PLEKHG1: variants seen among roughly 807,000 people sequenced by gnomAD.
PLEKHG1 encodes pleckstrin homology domain-containing family G member 1.
A neutral mutation model predicts 100.8 loss-of-function variants in PLEKHG1; 44 were observed. That is an observed-to-expected ratio of 0.44 (90% CI 0.34 to 0.56). The LOEUF is 0.56. Among genes scored for constraint, PLEKHG1 ranks in the 20% least tolerant of loss-of-function variants. The probability of loss-of-function intolerance (pLI) is 0.01; values close to 1 mark genes in which losing one functional copy is unlikely to be tolerated. For synonymous variants in PLEKHG1, 640 were observed against 662.5 expected, an observed-to-expected ratio of 0.97 and a Z score of 0.52; for missense variants, 1,545 against 1,720.9, an observed-to-expected ratio of 0.90 and a Z score of 1.81.
chr6:150,637,656 G>A (rs904449296), intron 1 of PLEKHG1, among the ~76,000 whole-genome samples: 8 of 152,016 alleles, frequency 5.3e-5, no homozygotes, highest in Admixed American at 3.9e-4. Context: ...TTAGACTTAC[G>A]ACATAGTTGA....
upstream of PLEKHG1, among the ~76,000 whole-genome samples, chr6:150,718,189 A>G (rs1457586848): frequency 6.6e-6 from 1 of 152,244 alleles, no homozygotes; most frequent in Admixed American, 6.5e-5. Flanking sequence ...CAAGGATACC[A>G]GCATCTGTGC....
At chr6:150,773,647 T>C (rs1314312066) in intron 3 of PLEKHG1, among the ~76,000 whole-genome samples, 1 of 152,256 alleles carries the variant, frequency 6.6e-6, no homozygotes, top group Non-Finnish European at 1.5e-5. Context: ...CAAGCCCACA[T>C]ACATTGCTCT....
intron 10 of PLEKHG1, among the ~76,000 whole-genome samples, chr6:150,815,810 G>A (rs1476700953): frequency 6.6e-6 from 1 of 152,110 alleles, no homozygotes; most frequent in African/African-American, 2.4e-5. Context: ...TGTTTTGTAG[G>A]TTAAATTATA....
chr6:150,757,559 GTA>G (rs113051911), intron 2 of PLEKHG1, among the ~76,000 whole-genome samples: 8 of 139,638 alleles, frequency 5.7e-5, no homozygotes, highest in African/African-American at 1.2e-4. Flanking sequence ...GTGCACACAA[GTA>G]TGTGTGTGTG....
chr6:150,629,799 C>T (rs1263538376), intron 1 of PLEKHG1, among the ~76,000 whole-genome samples: 1 of 152,096 alleles, frequency 6.6e-6, no homozygotes, highest in South Asian at 2.1e-4. Context: ...CATAGATTTT[C>T]TATGATGTAT....
intron 14 of PLEKHG1, 82 bp downstream of exon 15, chr6:150,823,758 C>G (rs899916791): frequency 1.1e-6 from 1 of 920,152 alleles, no homozygotes; most frequent in African/African-American, 1.7e-5. Context: ...TCTGTCATCT[C>G]CAGCCCGTAT....
exon 12 of PLEKHG1, chr6:150,819,773 T>C (rs775324795): frequency 6.4e-7 from 1 of 1,564,608 alleles, no homozygotes; most frequent in South Asian, 1.1e-5. Context: ...GAAGAAAATC[T>C]GGTAAGTAAG....
intron 1 of PLEKHG1, among the ~76,000 whole-genome samples, chr6:150,722,534 A>G (rs949743118): frequency 6.6e-5 from 10 of 151,676 alleles, no homozygotes; most frequent in Non-Finnish European, 1.5e-4. Context: ...TTGTATTTTT[A>G]GTAGAGACAG....
chr6:150,613,012 T>G (rs1180553572), intron 1 of PLEKHG1, among the ~76,000 whole-genome samples: 5 of 152,298 alleles, frequency 3.3e-5, no homozygotes, highest in African/African-American at 1.2e-4. Flanking sequence ...TGGGGTAGCC[T>G]GTGAGACCCT....
intron 1 of PLEKHG1, among the ~76,000 whole-genome samples, chr6:150,606,516 C>T (rs1185102470): frequency 6.6e-6 from 1 of 152,176 alleles, no homozygotes; most frequent in African/African-American, 2.4e-5. Context: ...GGTTCTCTTC[C>T]AATATTTCCC....
chr6:150,612,168 C>T (rs1043012358), intron 1 of PLEKHG1, among the ~76,000 whole-genome samples: 2 of 150,304 alleles, frequency 1.3e-5, no homozygotes, highest in Non-Finnish European at 2.9e-5. Context: ...TTGAATAGTT[C>T]TCAATCTATG....
intron 3 of PLEKHG1, among the ~76,000 whole-genome samples, chr6:150,701,456 T>C (rs1344267175): frequency 1.2e-5 from 1 of 82,060 alleles, no homozygotes; most frequent in Non-Finnish European, 2.0e-5. Context: ...TATATATATA[T>C]ATATATATAT....
intron 3 of PLEKHG1, among the ~76,000 whole-genome samples, chr6:150,674,682 TCCCCC>T (rs71544395): frequency 5.6e-4 from 58 of 104,202 alleles, no homozygotes; most frequent in Admixed American, 6.8e-4. Context: ...TCTCTCTCTC[TCCCCC>T]CTCTTCTCTT....
At chr6:150,795,367 G>A (rs1191903626) in intron 4 of PLEKHG1, among the ~76,000 whole-genome samples, 1 of 149,932 alleles carries the variant, frequency 6.7e-6, no homozygotes, top group Non-Finnish European at 1.5e-5. Flanking sequence ...CTGCACTCCA[G>A]CCTAGGCGAC....
chr6:150,631,874 A>G (rs1237113061), intron 1 of PLEKHG1, among the ~76,000 whole-genome samples: 1 of 152,114 alleles, frequency 6.6e-6, no homozygotes, highest in East Asian at 1.9e-4. Flanking sequence ...GGCATGGGGA[A>G]CTGGGCATCA....
intron 2 of PLEKHG1, among the ~76,000 whole-genome samples, chr6:150,757,609 G>A (rs1205362469): frequency 4.6e-5 from 7 of 151,990 alleles, no homozygotes; most frequent in Non-Finnish European, 1.0e-4. Context: ...ACTCTAAGAA[G>A]CTTCTTCCTT....
chr6:150,816,545 T>G (rs1332015231), intron 10 of PLEKHG1, among the ~76,000 whole-genome samples: 1 of 151,810 alleles, frequency 6.6e-6, no homozygotes, highest in Non-Finnish European at 1.5e-5. Flanking sequence ...AGGCTGGTCT[T>G]GAACTCCTGA....
At chr6:150,608,424 T>C (rs1209464193) in intron 1 of PLEKHG1, among the ~76,000 whole-genome samples, 7 of 152,208 alleles carry the variant, frequency 4.6e-5, no homozygotes, top group Admixed American at 4.6e-4. Flanking sequence ...CATTTCTAAC[T>C]AGGGAGTGAA....
At chr6:150,784,546 A>G (rs1370229470) in intron 3 of PLEKHG1, among the ~76,000 whole-genome samples, 1 of 152,246 alleles carries the variant, frequency 6.6e-6, no homozygotes, top group East Asian at 1.9e-4. Context: ...GAAGGAATAC[A>G]TTGGAAATAG....
Sources: allele counts gnomAD v4.1 joint callset (sites outside exome capture counted in the v4.1 genomes callset), GRCh38; gene constraint gnomAD v4.1.1; transcripts MANE v1.5; gene names NCBI Gene and HGNC (gene_info 2026-07-23, HGNC 2026-07-21).